The following COG6 variants were observed in gnomAD, a reference collection of about 807,000 sequenced individuals.
COG6 encodes the protein component of oligomeric golgi complex 6.
COG6 carries 74 observed loss-of-function variants against 88.8 expected under a neutral mutation model. The ratio of observed to expected loss-of-function variants is 0.83; its 90% CI spans 0.69 to 1.01. The LOEUF is 1.01. COG6 is among the 50% of genes least tolerant of loss of function. COG6 has a pLI of 0.00. For synonymous variants in COG6, 286 were observed against 278.7 expected (o/e 1.03, Z -0.26); for missense variants, 800 against 797.9 (o/e 1.00, Z -0.03).
At chr13:39,660,330 G>C (rs1283954862) in intron 2 of COG6, among the ~76,000 whole-genome samples, 1 of 152,076 alleles carries the variant, frequency 6.6e-6, no homozygotes, top group Non-Finnish European at 1.5e-5. Context: ...CAAGTAACTG[G>C]GACTACAGGT....
intron 18 of COG6, among the ~76,000 whole-genome samples, chr13:39,732,995 C>T (rs888745745): frequency 2.2e-4 from 34 of 151,842 alleles, no homozygotes; most frequent in Admixed American, 5.9e-4. Context: ...TTAGAAACAG[C>T]GCAGACCAGA....
At chr13:39,694,845 C>T (rs1048535780) in intron 12 of COG6, 120 bp downstream of exon 12, 44 of 551,094 alleles carry the variant, frequency 8.0e-5, no homozygotes, top group Admixed American at 5.7e-4. Flanking sequence ...ATAGACTAAG[C>T]GTAACTAGTA....
intron 13 of COG6, among the ~76,000 whole-genome samples, chr13:39,708,452 T>G (rs879313766): frequency 1.3e-5 from 2 of 152,240 alleles, no homozygotes; most frequent in Non-Finnish European, 2.9e-5. Context: ...AAGAAATCTT[T>G]GGCTATCTCA....
At chr13:39,725,312 C>G (rs966426378) in intron 17 of COG6, among the ~76,000 whole-genome samples, 1 of 151,768 alleles carries the variant, frequency 6.6e-6, no homozygotes, top group African/African-American at 2.4e-5. Context: ...CATGACAACC[C>G]CATTCAATCC....
At chr13:39,761,566 T>G (rs1881015023) in intron 18 of COG6, among the ~76,000 whole-genome samples, 1 of 151,740 alleles carries the variant, frequency 6.6e-6, no homozygotes, top group Non-Finnish European at 1.5e-5. Flanking sequence ...TTCAGCACAG[T>G]AAAAGAAATA....
chr13:39,746,359 T>A (rs892006869), intron 18 of COG6, among the ~76,000 whole-genome samples: 18 of 152,150 alleles, frequency 1.2e-4, no homozygotes, highest in Admixed American at 1.2e-3. Context: ...AGGCTGTGAT[T>A]GATCAAAATA....
intron 18 of COG6, among the ~76,000 whole-genome samples, chr13:39,730,601 C>G (rs147376719): frequency 1.3e-4 from 19 of 151,322 alleles, no homozygotes; most frequent in Non-Finnish European, 2.5e-4. Flanking sequence ...TGGTGAAACC[C>G]TGTCTCTACT....
chr13:39,751,749 AAGG>A lies in COG6; in HGVS notation c.*659_*661del, dbSNP rs1372972906. 2 of 1,287,082 alleles carry A rather than the reference AAGG, an allele frequency of 1.6e-6. No individual in the cohort carries two copies. Among genetic ancestry groups the A allele is most frequent in the Admixed American group, 2.3e-5 (1 of 43,546 alleles). The allele number at this position is 1,287,082 out of a possible 1,614,324, so 79.7% of individuals were successfully genotyped here. On this transcript the variant is annotated 3_prime_UTR_variant, in exon 19 of 19. Coordinates refer to ENST00000455146, the MANE Select transcript of COG6 (RefSeq NM_020751.3). ...ATACACTCAGCAATAATTAGAAAAA[AAGG>A]AGAGAGAAAAGTGATTTAAACAGGG...
At chr13:39,721,663 T>G (rs1485207669) in intron 15 of COG6, among the ~76,000 whole-genome samples, 1 of 152,140 alleles carries the variant, frequency 6.6e-6, no homozygotes, top group Non-Finnish European at 1.5e-5. Context: ...GGTGTGGATA[T>G]GTGAAGGTGT....
chr13:39,690,632 A>G (rs925307292), intron 11 of COG6, among the ~76,000 whole-genome samples: 1 of 152,126 alleles, frequency 6.6e-6, no homozygotes, highest in African/African-American at 2.4e-5. Context: ...TTTTCAAGAA[A>G]TGAACTTTAA....
At chr13:39,721,650 A>G (rs1031470783) in intron 15 of COG6, among the ~76,000 whole-genome samples, 1 of 152,046 alleles carries the variant, frequency 6.6e-6, no homozygotes, top group African/African-American at 2.4e-5. Context: ...AGGACAATAC[A>G]AAGGTGTGGA....
intron 4 of COG6, among the ~76,000 whole-genome samples, chr13:39,674,064 AT>A (rs1028679498): frequency 5.3e-5 from 8 of 151,562 alleles, no homozygotes; most frequent in Non-Finnish European, 8.8e-5. Context: ...TTTATTTTTA[AT>A]TTTTTTTAAA....
intron 11 of COG6, among the ~76,000 whole-genome samples, chr13:39,694,055 A>G (rs1240682724): frequency 6.6e-6 from 1 of 151,854 alleles, no homozygotes; most frequent in Non-Finnish European, 1.5e-5. Flanking sequence ...TTTAATTAGA[A>G]AAGATTCATA....
intron 13 of COG6, among the ~76,000 whole-genome samples, chr13:39,702,101 A>G (rs1877616710): frequency 6.6e-6 from 1 of 152,040 alleles, no homozygotes; most frequent in African/African-American, 2.4e-5. Flanking sequence ...TCAGAATAAG[A>G]TGAATGCTTT....
chr13:39,772,478 G>A (rs1222594798), intron 18 of COG6, among the ~76,000 whole-genome samples: 1 of 152,198 alleles, frequency 6.6e-6, no homozygotes, highest in Non-Finnish European at 1.5e-5. Context: ...CATTGTTTGA[G>A]GGTTGAGGGC....
chr13:39,677,546 TCTC>T lies in COG6; in HGVS notation c.509_511del (p.Leu170del). 6.2e-7 allele frequency: 1 copy of T among 1,612,366 alleles called. No individual in the cohort carries two copies. The highest frequency in any genetic ancestry group is 8.5e-7 in the Non-Finnish European group (1 of 1,178,592). On this transcript the variant is annotated inframe_deletion, in exon 5 of 19. Coordinates refer to ENST00000455146, the MANE Select transcript of COG6 (RefSeq NM_020751.3). The stretch of plus-strand genomic sequence containing the variant: ...AACTGACTTCTGATGAAATGAGTCT[TCTC>T]CGAGGTACAAGAGAAGGACCCATTA...
chr13:39,791,459 T>A (rs1348393990), exon 19 of COG6: 1 of 152,102 alleles, frequency 6.6e-6, no homozygotes, highest in East Asian at 1.9e-4. Context: ...TCAGTATTAA[T>A]AAATGACCAT....
chr13:39,707,610 A>G (rs779487090), intron 13 of COG6, among the ~76,000 whole-genome samples: 1 of 152,176 alleles, frequency 6.6e-6, no homozygotes, highest in Non-Finnish European at 1.5e-5. Context: ...CTGCTGTCTG[A>G]CTACTGTCTC....
intron 4 of COG6, among the ~76,000 whole-genome samples, chr13:39,676,002 A>G (rs527663258): frequency 1.3e-5 from 2 of 152,282 alleles, no homozygotes; most frequent in South Asian, 2.1e-4. Context: ...TAATTACCAT[A>G]TCTATCACTT....
Sources: gnomAD v4.1 joint callset for allele counts (sites outside exome capture counted in the v4.1 genomes callset) on GRCh38, gnomAD v4.1.1 for gene constraint, MANE v1.5 for transcripts, NCBI Gene and HGNC (gene_info 2026-07-23, HGNC 2026-07-21) for gene names.